The following BDNF variants were observed in gnomAD, a reference collection of about 807,000 sequenced individuals.
BDNF encodes brain derived neurotrophic factor.
BDNF carries 1 observed loss-of-function variant against 19.5 expected under a neutral mutation model. The observed-to-expected ratio is 0.05, with a 90% CI of 0.02 to 0.24. The LOEUF (loss-of-function observed/expected upper bound fraction) is 0.24. BDNF is among the 10% of genes least tolerant of loss of function. BDNF has a pLI of 1.00. For synonymous variants in BDNF, 100 were observed against 121.6 expected, an observed-to-expected ratio of 0.82 and a Z score of 1.17; for missense variants, 195 against 317.6, an observed-to-expected ratio of 0.61 and a Z score of 2.93.
chr11:27,699,046 C>T (rs1425865012), intron 1 of BDNF, among the ~76,000 whole-genome samples: 2 of 152,076 alleles, frequency 1.3e-5, no homozygotes, highest in African/African-American at 4.8e-5. Flanking sequence ...CCTACCAGCT[C>T]TCTAAGGGAT....
intron 1 of BDNF, among the ~76,000 whole-genome samples, chr11:27,684,639 C>T (rs1303466935): frequency 6.6e-6 from 1 of 152,138 alleles, no homozygotes; most frequent in Admixed American, 6.5e-5. Flanking sequence ...AAGGCCTTTT[C>T]TGCATCTATT....
At chr11:27,706,726 G>A (rs1258224605) in intron 1 of BDNF, among the ~76,000 whole-genome samples, 1 of 152,148 alleles carries the variant, frequency 6.6e-6, no homozygotes, top group South Asian at 2.1e-4. Flanking sequence ...GGAAACACAG[G>A]AGTCATGAAT....
exon 1 of BDNF, chr11:27,721,506 T>C (rs1565000581): frequency 6.9e-7 from 1 of 1,456,218 alleles, no homozygotes. Context: ...GAAGTCATCA[T>C]GTGAGAAGTT....
chr11:27,675,005 A>G (rs1454317196), intron 1 of BDNF: 1 of 730,898 alleles, frequency 1.4e-6, no homozygotes, highest in Non-Finnish European at 1.7e-6. Flanking sequence ...TGAGGCCCAG[A>G]GAGTTTCGGT....
intron 1 of BDNF, chr11:27,719,708 G>C: frequency 1.1e-6 from 1 of 935,992 alleles, no homozygotes; most frequent in Non-Finnish European, 1.3e-6. Flanking sequence ...GAGATAGAAT[G>C]AGGGAGGGAT....
At chr11:27,709,018 G>A (rs1354588500) in intron 1 of BDNF, among the ~76,000 whole-genome samples, 3 of 151,586 alleles carry the variant, frequency 2.0e-5, no homozygotes, top group Non-Finnish European at 4.4e-5. Context: ...TAGTAGAGAC[G>A]GAGTTTCACC....
At chr11:27,699,102 C>T (rs557959178) in intron 1 of BDNF, among the ~76,000 whole-genome samples, 1 of 151,546 alleles carries the variant, frequency 6.6e-6, no homozygotes, top group South Asian at 2.1e-4. Context: ...AGCCTCCCGC[C>T]CCCAGTAGCT....
In BDNF at chr11:27,674,268, CTG is replaced by C. The variant is rs1287429853; in HGVS notation, c.-21-15685_-21-15684del. On this transcript the variant is annotated intron_variant, in intron 1 of 1. Coordinates refer to ENST00000356660, the MANE Select transcript of BDNF (RefSeq NM_001709.5). Reference sequence around the variant, plus strand: ...TAACCTTGTGCACTCATGGAGAAAACTGGTGGCTCCACACATCCAGTTGTCCT... The same window carrying C: ...TAACCTTGTGCACTCATGGAGAAAACGTGGCTCCACACATCCAGTTGTCCT... 7.6e-6 allele frequency: 12 copies of C among 1,568,826 alleles called. No individual in the cohort carries two copies. Among genetic ancestry groups the C allele is most frequent in the Non-Finnish European group, 8.7e-6 (10 of 1,155,664 alleles).
chr11:27,706,986 T>C (rs1464377741), intron 1 of BDNF, among the ~76,000 whole-genome samples: 2 of 152,242 alleles, frequency 1.3e-5, no homozygotes, highest in African/African-American at 4.8e-5. Flanking sequence ...GGCTTTTCTG[T>C]ACTCCATTTA....
chr11:27,691,878 T>A (rs902200844), intron 1 of BDNF, among the ~76,000 whole-genome samples: 17 of 152,260 alleles, frequency 1.1e-4, no homozygotes, highest in African/African-American at 4.1e-4. Flanking sequence ...TTTTGTGGTT[T>A]CCAAAAGTGA....
intron 1 of BDNF, among the ~76,000 whole-genome samples, chr11:27,692,443 A>T (rs1858419076): frequency 6.6e-6 from 1 of 151,970 alleles, no homozygotes; most frequent in Non-Finnish European, 1.5e-5. Context: ...CTGGGCTCAA[A>T]CGATCCTACT....
chr11:27,675,078 G>T, intron 1 of BDNF: 1 of 233,616 alleles, frequency 4.3e-6, no homozygotes, highest in Non-Finnish European at 7.0e-6. Context: ...GTGCTGGCTT[G>T]CTATGCCTCT....
chr11:27,695,551 G>A (rs1208508372), intron 1 of BDNF, among the ~76,000 whole-genome samples: 2 of 152,126 alleles, frequency 1.3e-5, no homozygotes, highest in Admixed American at 6.6e-5. Flanking sequence ...TAGGTTCTGG[G>A]AGATTTCAAA....
At chr11:27,686,260 T>C (rs950901033) in intron 1 of BDNF, among the ~76,000 whole-genome samples, 3 of 152,192 alleles carry the variant, frequency 2.0e-5, no homozygotes, top group African/African-American at 7.2e-5. Flanking sequence ...TAGATCTTCC[T>C]CCATCCCTTT....
Position 27,700,162 on chromosome 11 carries a change from A to T in BDNF, c.-22+2T>A, listed in dbSNP as rs1859736451. 2.0e-6 allele frequency: 2 copies of T among 985,564 alleles called. No homozygotes were observed. The highest frequency in any genetic ancestry group is 3.5e-5 in the African/African-American group (2 of 57,196). 61.1% of individuals were successfully genotyped at this position (985,564 alleles called of 1,614,324 possible). A position where few individuals can be genotyped will look rare whatever the true frequency, so the allele number is the denominator to read the frequency against. On this transcript the variant is annotated splice_donor_variant, in intron 1 of 1. Coordinates refer to ENST00000356660, the MANE Select transcript of BDNF (RefSeq NM_001709.5). LOFTEE classifies it low-confidence loss of function (5UTR_SPLICE). Reference sequence around the variant, plus strand: ...CAAGCCCCATTCCCAGCGCTTGCCTACCTCGGGGTCCACACAAACCTCACG... The same window carrying T: ...CAAGCCCCATTCCCAGCGCTTGCCTTCCTCGGGGTCCACACAAACCTCACG...
chr11:27,678,825 C>G (rs1856511464), intron 1 of BDNF, among the ~76,000 whole-genome samples: 3 of 152,156 alleles, frequency 2.0e-5, no homozygotes, highest in South Asian at 2.1e-4. Context: ...CAAAAAACTT[C>G]TCCTTTCCAC....
At chr11:27,721,484 T>A (rs1466781756) in exon 1 of BDNF, 1 of 1,572,122 alleles carries the variant, frequency 6.4e-7, no homozygotes, top group Non-Finnish European at 8.8e-7. Context: ...TGGAAGGTAA[T>A]GTGTCTTGTT....
chr11:27,696,339 C>T (rs1858990465), intron 1 of BDNF: 1 of 152,194 alleles, frequency 6.6e-6, no homozygotes, highest in South Asian at 2.1e-4. Flanking sequence ...TATTGCCTAA[C>T]ATTACTCCAT....
upstream of BDNF, among the ~76,000 whole-genome samples, chr11:27,703,219 C>G (rs1639619823): frequency 6.6e-6 from 1 of 152,008 alleles, no homozygotes; most frequent in African/African-American, 2.4e-5. Context: ...CGTTGGTTCC[C>G]AGGTTGTAAG....
Sources: allele counts gnomAD v4.1 joint callset (sites outside exome capture counted in the v4.1 genomes callset), GRCh38; gene constraint gnomAD v4.1.1; transcripts MANE v1.5; gene names NCBI Gene and HGNC (gene_info 2026-07-23, HGNC 2026-07-21).